Variants in DPP10 observed in about 807,000 individuals in gnomAD.
DPP10 encodes inactive dipeptidyl peptidase 10.
A neutral mutation model predicts 120.9 loss-of-function variants in DPP10; 33 were observed. The ratio of observed to expected loss-of-function variants is 0.27; its 90% CI spans 0.21 to 0.37. The LOEUF is 0.37. DPP10 is among the 10% of genes least tolerant of loss of function. DPP10 has a pLI of 1.00. For missense variants in DPP10, 816 were observed against 942.8 expected (o/e 0.87, Z 1.76); for synonymous variants, 337 against 326.1 (o/e 1.03, Z -0.36).
At chr2:114,991,129 T>C (rs886512789) in intron 1 of DPP10, among the ~76,000 whole-genome samples, 2 of 152,164 alleles carry the variant, frequency 1.3e-5, no homozygotes, top group Admixed American at 6.5e-5. Flanking sequence ...TTTTAGAACA[T>C]GTTTTATATT....
intron 1 of DPP10, among the ~76,000 whole-genome samples, chr2:114,632,503 G>GTTTTTTT (rs756591992): frequency 1.1e-5 from 1 of 88,620 alleles, no homozygotes; most frequent in African/African-American, 4.6e-5. Flanking sequence ...TGGACTTAGG[G>GTTTTTTT]TTTTTTTTTT....
chr2:114,795,618 C>T (rs1362948746), intron 1 of DPP10, among the ~76,000 whole-genome samples: 2 of 152,022 alleles, frequency 1.3e-5, no homozygotes, highest in Non-Finnish European at 2.9e-5. Context: ...GAGTTTTGAA[C>T]TATGTGGGCC....
At chr2:115,704,271 T>C (rs1189416562) in intron 7 of DPP10, among the ~76,000 whole-genome samples, 1 of 151,988 alleles carries the variant, frequency 6.6e-6, no homozygotes, top group Non-Finnish European at 1.5e-5. Flanking sequence ...CAAAAGTCTT[T>C]GTTAAATACT....
Position 115,623,000 on chromosome 2 carries a change from G to A in DPP10, c.442-66687G>A, listed in dbSNP as rs535858295. Among the ~76,000 whole-genome samples the A allele has an allele frequency of 1.1e-3, 174 of 151,772 alleles. 1 individual carries two copies. Among genetic ancestry groups the A allele is most frequent in the African/African-American group, 1.6e-3 (65 of 41,414 alleles). Reference sequence around the variant, plus strand: ...TGGGACTACAGGCGCCCGCCCCCACGCCTGACTAACTTGGTTTTGTATTTT... The same window carrying A: ...TGGGACTACAGGCGCCCGCCCCCACACCTGACTAACTTGGTTTTGTATTTT... On this transcript the variant is annotated intron_variant, in intron 5 of 25. Coordinates refer to ENST00000410059, the MANE Select transcript of DPP10 (RefSeq NM_020868.6).
At chr2:114,758,660 T>C (rs1680007186) in intron 1 of DPP10, among the ~76,000 whole-genome samples, 1 of 152,158 alleles carries the variant, frequency 6.6e-6, no homozygotes, top group African/African-American at 2.4e-5. Flanking sequence ...CAAATAAATG[T>C]ATGGGCTCAA....
intron 1 of DPP10, among the ~76,000 whole-genome samples, chr2:115,168,123 G>A (rs548266780): frequency 6.6e-6 from 1 of 151,850 alleles, no homozygotes; most frequent in South Asian, 2.1e-4. Flanking sequence ...TATGGGGAGG[G>A]GCATGGAATT....
intron 1 of DPP10, among the ~76,000 whole-genome samples, chr2:114,688,129 C>T (rs999869906): frequency 1.3e-5 from 2 of 151,784 alleles, no homozygotes; most frequent in Admixed American, 1.3e-4. Context: ...TTCTATAGCA[C>T]CCAGTTCAAG....
intron 1 of DPP10, among the ~76,000 whole-genome samples, chr2:114,456,091 G>A (rs6747075): frequency 0.011 from 1,636 of 152,128 alleles, 28 homozygotes; most frequent in African/African-American, 0.035. Flanking sequence ...AAAGTCTCAC[G>A]TTTTCATGGT....
chr2:114,675,080 T>C (rs1420291355), intron 1 of DPP10, among the ~76,000 whole-genome samples: 1 of 152,166 alleles, frequency 6.6e-6, no homozygotes, highest in Non-Finnish European at 1.5e-5. Flanking sequence ...CGGCCTGTCT[T>C]AATGTTTTGA....
intron 1 of DPP10, among the ~76,000 whole-genome samples, chr2:114,456,483 T>C (rs1180250513): frequency 6.6e-6 from 1 of 152,108 alleles, no homozygotes; most frequent in Non-Finnish European, 1.5e-5. Flanking sequence ...GAAATATATA[T>C]GGGATTCAAG....
chr2:115,135,037 G>A (rs2050579504), intron 1 of DPP10, among the ~76,000 whole-genome samples: 1 of 151,982 alleles, frequency 6.6e-6, no homozygotes, highest in East Asian at 1.9e-4. Flanking sequence ...AGGTTAGGAA[G>A]AGTAGTCATG....
At chr2:115,721,333 A>G (rs2092644265) in intron 7 of DPP10, among the ~76,000 whole-genome samples, 1 of 152,182 alleles carries the variant, frequency 6.6e-6, no homozygotes, top group Non-Finnish European at 1.5e-5. Flanking sequence ...TTTGTCAATA[A>G]CTGAAAAAAG....
At chr2:114,448,465 C>T (rs1443319310) in intron 1 of DPP10, among the ~76,000 whole-genome samples, 1 of 152,110 alleles carries the variant, frequency 6.6e-6, no homozygotes, top group Non-Finnish European at 1.5e-5. Flanking sequence ...ACGTAGTAAG[C>T]TAAGATAGTG....
At chr2:114,920,922 G>A (rs7582026) in intron 1 of DPP10, among the ~76,000 whole-genome samples, 150,396 of 152,312 alleles carry the variant, frequency 0.99, 74,282 homozygotes, top group East Asian at 1. Context: ...TTCTCATCAG[G>A]GTAATTGCAG....
At chr2:115,233,844 C>A (rs969806553) in intron 1 of DPP10, 6 of 469,956 alleles carry the variant, frequency 1.3e-5, no homozygotes, top group African/African-American at 2.0e-5. Context: ...GGGATGCAGG[C>A]TTTTCCCCAT....
chr2:115,004,386 A>C (rs1701658692), intron 1 of DPP10, among the ~76,000 whole-genome samples: 1 of 152,248 alleles, frequency 6.6e-6, no homozygotes, highest in African/African-American at 2.4e-5. Context: ...GAATAGGAAC[A>C]GCTCCGGTCT....
At chr2:115,220,172 C>A (rs1282346834) in intron 1 of DPP10, among the ~76,000 whole-genome samples, 2 of 152,054 alleles carry the variant, frequency 1.3e-5, no homozygotes, top group East Asian at 3.9e-4. Flanking sequence ...GTTACTGTTC[C>A]AAACCAGATT....
At chr2:115,336,456 G>A (rs1234470608) in intron 2 of DPP10, among the ~76,000 whole-genome samples, 4 of 151,682 alleles carry the variant, frequency 2.6e-5, no homozygotes, top group African/African-American at 4.8e-5. Context: ...GGATTTTTGT[G>A]TCCCTATTCA....
intron 17 of DPP10, among the ~76,000 whole-genome samples, chr2:115,785,698 T>C (rs1437195481): frequency 6.6e-6 from 1 of 152,176 alleles, no homozygotes; most frequent in East Asian, 1.9e-4. Context: ...TTGTCATTTC[T>C]GATTGTGTTT....
Sources: gnomAD v4.1 joint callset for allele counts (sites outside exome capture counted in the v4.1 genomes callset) on GRCh38, gnomAD v4.1.1 for gene constraint, MANE v1.5 for transcripts, NCBI Gene and HGNC (gene_info 2026-07-23, HGNC 2026-07-21) for gene names.